CFAP61: variants seen among roughly 807,000 people sequenced by gnomAD.
CFAP61 encodes cilia- and flagella-associated protein 61.
In CFAP61, 107 loss-of-function variants were observed where a neutral mutation model predicts 135.6. That is an observed-to-expected ratio of 0.79 (90% CI 0.67 to 0.93). The LOEUF (loss-of-function observed/expected upper bound fraction) is 0.93. Among genes scored for constraint, CFAP61 ranks in the 40% least tolerant of loss-of-function variants. The pLI, the probability that CFAP61 is intolerant of heterozygous loss-of-function variation, is 0.00. For synonymous variants in CFAP61, 575 were observed against 578.5 expected, an observed-to-expected ratio of 0.99 and a Z score of 0.09; for missense variants, 1,507 against 1,556.2, an observed-to-expected ratio of 0.97 and a Z score of 0.53.
chr20:20,113,930 T>G (rs1250567767), intron 8 of CFAP61, among the ~76,000 whole-genome samples: 1 of 149,596 alleles, frequency 6.7e-6, no homozygotes, highest in Non-Finnish European at 1.5e-5. Context: ...CTTTTTATTC[T>G]TAGTTGTCTA....
chr20:20,288,748 C>G lies in CFAP61; in HGVS notation c.2936C>G (p.Ser979Cys). Residue 979 changes from serine (S) to cysteine (C), a missense_variant, in exon 23 of 27, where the codon TCC becomes TGC. Coordinates refer to ENST00000245957, the MANE Select transcript of CFAP61 (RefSeq NM_015585.4). ...GACATAGCCATCAGAGCTGCTGGCT[C>G]CCTCACCAAATTCTCCAATAGATAC... ...TNDIAIRAAG[S>C]LTKFSNRYYS... The G allele has an allele frequency of 6.2e-7, 1 of 1,614,110 alleles. No individual in the cohort carries two copies. The highest frequency in any genetic ancestry group is 8.5e-7 in the Non-Finnish European group (1 of 1,179,972).
At position 20,070,866 on chromosome 20, in the gene CFAP61, C is replaced by G. The variant is rs1298137240; in HGVS notation, c.156C>G (p.Asn52Lys). Residue 52 changes from asparagine to lysine, a missense_variant, in exon 3 of 27, where the codon AAC becomes AAG. Coordinates refer to ENST00000245957, the MANE Select transcript of CFAP61 (RefSeq NM_015585.4). Reference sequence around the variant, plus strand: ...ATCATTTCTGCAGAGAAAAGGCCAACCTTGCTGTTACCCTCTGCAATGACA... The same window carrying G: ...ATCATTTCTGCAGAGAAAAGGCCAAGCTTGCTGTTACCCTCTGCAATGACA... The part of the protein sequence containing the change: ...LNIIYLLEKA[N>K]LAVTLCNDKE... The G allele has an allele frequency of 6.2e-7, 1 of 1,612,980 alleles. No individual in the cohort carries two copies. Among genetic ancestry groups the G allele is most frequent in the Non-Finnish European group, 8.5e-7 (1 of 1,179,526 alleles).
At chr20:20,269,709 A>T (rs2053193179) in intron 21 of CFAP61, among the ~76,000 whole-genome samples, 1 of 152,200 alleles carries the variant, frequency 6.6e-6, no homozygotes, top group African/African-American at 2.4e-5. Flanking sequence ...ATTTATTAAT[A>T]ATCTGTGATT....
chr20:20,272,257 T>C (rs910355384), intron 21 of CFAP61, among the ~76,000 whole-genome samples: 3 of 152,180 alleles, frequency 2.0e-5, no homozygotes, highest in African/African-American at 7.2e-5. Context: ...CTGGCCAACA[T>C]GGTGAAACCC....
intron 10 of CFAP61, among the ~76,000 whole-genome samples, chr20:20,160,613 G>T (rs567868877): frequency 1.3e-5 from 2 of 152,288 alleles, no homozygotes; most frequent in South Asian, 4.1e-4. Context: ...TTGCATGGAG[G>T]GGAGGAGAAA....
At chr20:20,342,414 C>A (rs1041007249) in intron 26 of CFAP61, among the ~76,000 whole-genome samples, 9 of 152,302 alleles carry the variant, frequency 5.9e-5, no homozygotes, top group African/African-American at 2.2e-4. Context: ...GCTGCGTAGC[C>A]CAAGGGCTGC....
intron 8 of CFAP61, among the ~76,000 whole-genome samples, chr20:20,105,183 C>T (rs748735043): frequency 6.6e-6 from 1 of 152,092 alleles, no homozygotes; most frequent in East Asian, 1.9e-4. Flanking sequence ...GTAAGCCGCA[C>T]CCACCCAACC....
intron 6 of CFAP61, among the ~76,000 whole-genome samples, chr20:20,090,430 A>G (rs1336508461): frequency 6.6e-6 from 1 of 152,098 alleles, no homozygotes; most frequent in African/African-American, 2.4e-5. Flanking sequence ...GGCAGCTCAC[A>G]TTTGTAATCC....
chr20:20,292,262 T>C (rs2055044961), intron 24 of CFAP61, among the ~76,000 whole-genome samples: 1 of 152,232 alleles, frequency 6.6e-6, no homozygotes, highest in Non-Finnish European at 1.5e-5. Context: ...GTTTTAATCA[T>C]TATTCCAGAT....
chr20:20,322,537 C>A (rs533617457), intron 25 of CFAP61: 3 of 257,048 alleles, frequency 1.2e-5, no homozygotes, highest in Non-Finnish European at 1.8e-5. Context: ...TATCTAAGCC[C>A]CCTTCTCAAT....
At chr20:20,307,884 TAA>T (rs1415584848) in intron 25 of CFAP61, among the ~76,000 whole-genome samples, 1 of 152,174 alleles carries the variant, frequency 6.6e-6, no homozygotes, top group Non-Finnish European at 1.5e-5. Flanking sequence ...AAGTTTCACT[TAA>T]AAATGATTTC....
chr20:20,111,962 C>T (rs1182202805), intron 8 of CFAP61, among the ~76,000 whole-genome samples: 1 of 152,116 alleles, frequency 6.6e-6, no homozygotes, highest in Non-Finnish European at 1.5e-5. Context: ...GTTATTTATG[C>T]AATACCTTCA....
Position 20,192,820 on chromosome 20 carries a change from T to C in CFAP61, c.1590+1401T>C, listed in dbSNP as rs1309815541. On this transcript the variant is annotated intron_variant, in intron 15 of 26. Transcript: ENST00000245957. ...TCTCATATTTTCTAAATGTTTGTCT[T>C]GTGTATGGAAAAGCTACTAGTGTTT... 2.0e-5 allele frequency among the ~76,000 whole-genome samples: 3 copies of C among 152,308 alleles called. No individual in the cohort carries two copies. The South Asian group carries it at 6.2e-4, about 32-fold the overall frequency.
chr20:20,298,393 T>C lies in CFAP61; in HGVS notation c.3422+7T>C. ...TGATCACAGATCTCTATAGGTGAGT[T>C]GGACATTGCATTTGACTACAGGGAA... is the stretch of plus-strand genomic sequence containing the variant. On this transcript the variant is annotated splice_region_variant and intron_variant, in intron 25 of 26. Coordinates refer to ENST00000245957, the MANE Select transcript of CFAP61 (RefSeq NM_015585.4). 6.2e-7 allele frequency: 1 copy of C among 1,609,790 alleles called. No homozygotes were observed. The highest frequency in any genetic ancestry group is 8.5e-7 in the Non-Finnish European group (1 of 1,176,220).
chr20:20,300,944 A>G (rs2122143586), intron 25 of CFAP61, among the ~76,000 whole-genome samples: 1 of 152,320 alleles, frequency 6.6e-6, no homozygotes, highest in Non-Finnish European at 1.5e-5. Context: ...TTATTACAAA[A>G]GAGTCAAAAA....
At chr20:20,095,314 A>G (rs1422520091) in intron 7 of CFAP61, among the ~76,000 whole-genome samples, 1 of 152,184 alleles carries the variant, frequency 6.6e-6, no homozygotes, top group Admixed American at 6.5e-5. Context: ...GCAAATGCTG[A>G]TTAGGCATTT....
chr20:20,263,198 C>A, intron 21 of CFAP61, 68 bp downstream of exon 21: 1 of 1,149,640 alleles, frequency 8.7e-7, no homozygotes, highest in Non-Finnish European at 1.2e-6. Context: ...TCTCATTCTT[C>A]ATCTAGTTCC....
chr20:20,350,905 A>G (rs1160684448), intron 26 of CFAP61, among the ~76,000 whole-genome samples: 2 of 152,232 alleles, frequency 1.3e-5, no homozygotes, highest in African/African-American at 2.4e-5. Context: ...GCATCCTTTC[A>G]TGATTGAAAA....
intron 17 of CFAP61, among the ~76,000 whole-genome samples, chr20:20,227,645 T>C (rs1003692702): frequency 6.6e-6 from 1 of 152,242 alleles, no homozygotes; most frequent in African/African-American, 2.4e-5. Context: ...AGAGGCCTCC[T>C]GACTCTGAAG....
Sources: gnomAD v4.1 joint callset for allele counts (sites outside exome capture counted in the v4.1 genomes callset) on GRCh38, gnomAD v4.1.1 for gene constraint, MANE v1.5 for transcripts, NCBI Gene and HGNC (gene_info 2026-07-23, HGNC 2026-07-21) for gene names.